Variants in POU6F2 observed in about 807,000 individuals in gnomAD.
The protein encoded by POU6F2 is POU domain, class 6, transcription factor 2.
POU6F2 carries 31 observed loss-of-function variants against 71.3 expected under a neutral mutation model. The ratio of observed to expected loss-of-function variants is 0.43; its 90% CI spans 0.33 to 0.59. The LOEUF is 0.59. Ranked by LOEUF, POU6F2 falls within the 20% of genes least tolerant of loss-of-function variation. The pLI is 0.04. For synonymous variants in POU6F2, 347 were observed against 355.7 expected, an observed-to-expected ratio of 0.98 and a Z score of 0.27; for missense variants, 783 against 856.8, an observed-to-expected ratio of 0.91 and a Z score of 1.07.
chr7:39,434,120 A>G (rs1027583568), intron 7 of POU6F2, among the ~76,000 whole-genome samples: 5 of 152,142 alleles, frequency 3.3e-5, no homozygotes, highest in African/African-American at 9.7e-5. Flanking sequence ...CATCCCAGAG[A>G]TAATGGCTTG....
At chr7:39,225,286 T>G (rs1794441276) in intron 4 of POU6F2, among the ~76,000 whole-genome samples, 1 of 152,142 alleles carries the variant, frequency 6.6e-6, no homozygotes, top group Non-Finnish European at 1.5e-5. Flanking sequence ...TGTAAAATAA[T>G]AAGCTTTTAA....
chr7:39,014,832 A>G (rs1286740016), intron 1 of POU6F2, among the ~76,000 whole-genome samples: 2 of 152,026 alleles, frequency 1.3e-5, no homozygotes, highest in Non-Finnish European at 2.9e-5. Context: ...ATACAAATAC[A>G]TCCTTGGTGT....
intron 4 of POU6F2, among the ~76,000 whole-genome samples, chr7:39,234,796 A>G (rs1004993151): frequency 6.6e-6 from 1 of 152,230 alleles, no homozygotes; most frequent in Non-Finnish European, 1.5e-5. Flanking sequence ...TCATGCATCA[A>G]TAGTACCATT....
chr7:39,186,301 G>A (rs1275805708), intron 2 of POU6F2, among the ~76,000 whole-genome samples: 3 of 152,200 alleles, frequency 2.0e-5, no homozygotes, highest in South Asian at 2.1e-4. Flanking sequence ...GGAATGGAGT[G>A]CAGGTAGATA....
chr7:39,065,677 G>A (rs1162093139), intron 1 of POU6F2, among the ~76,000 whole-genome samples: 1 of 151,402 alleles, frequency 6.6e-6, no homozygotes, highest in Non-Finnish European at 1.5e-5. Flanking sequence ...AATTCCATTC[G>A]GATATACTTG....
At chr7:39,309,332 T>C (rs1277331626) in intron 4 of POU6F2, among the ~76,000 whole-genome samples, 1 of 152,170 alleles carries the variant, frequency 6.6e-6, no homozygotes, top group African/African-American at 2.4e-5. Context: ...GAAAAACATT[T>C]GCTCTCTGTC....
chr7:39,129,786 G>C (rs968329371), intron 2 of POU6F2, among the ~76,000 whole-genome samples: 2 of 151,994 alleles, frequency 1.3e-5, no homozygotes, highest in South Asian at 4.2e-4. Flanking sequence ...TTTTTCGGCC[G>C]GGCGCTGTGG....
chr7:39,010,808 T>C (rs1789256985), intron 1 of POU6F2, among the ~76,000 whole-genome samples: 1 of 149,588 alleles, frequency 6.7e-6, no homozygotes, highest in Non-Finnish European at 1.5e-5. Flanking sequence ...GAGCAGGTTG[T>C]TCAGTTTCCA....
intron 5 of POU6F2, among the ~76,000 whole-genome samples, chr7:39,377,153 T>C (rs1786726370): frequency 6.6e-6 from 1 of 150,568 alleles, no homozygotes; most frequent in Non-Finnish European, 1.5e-5. Context: ...TTTTTTGAGA[T>C]GGAGTCTCAT....
intron 4 of POU6F2, 126 bp downstream of exon 4, chr7:39,207,746 T>C (rs1328014101): frequency 3.4e-6 from 3 of 878,454 alleles, no homozygotes; most frequent in East Asian, 2.7e-5. Context: ...CTAAATGATA[T>C]GGAAGGCTTC....
At chr7:39,159,065 C>T (rs1369266629) in intron 2 of POU6F2, among the ~76,000 whole-genome samples, 1 of 151,882 alleles carries the variant, frequency 6.6e-6, no homozygotes, top group Non-Finnish European at 1.5e-5. Context: ...GTAATCCCAG[C>T]TACTCAAGAG....
intron 1 of POU6F2, among the ~76,000 whole-genome samples, chr7:39,052,881 C>G (rs1584518463): frequency 6.6e-6 from 1 of 152,088 alleles, no homozygotes; most frequent in African/African-American, 2.4e-5. Context: ...ATTCTCCTAG[C>G]TCTTTCAAAT....
intron 4 of POU6F2, among the ~76,000 whole-genome samples, chr7:39,250,428 T>G (rs1415893741): frequency 6.6e-6 from 1 of 152,202 alleles, no homozygotes; most frequent in East Asian, 1.9e-4. Flanking sequence ...TGAGAAAGCC[T>G]TATCTAAAGA....
chr7:39,192,238 C>T (rs1793684264), intron 2 of POU6F2, among the ~76,000 whole-genome samples: 1 of 152,174 alleles, frequency 6.6e-6, no homozygotes, highest in African/African-American at 2.4e-5. Flanking sequence ...CTAAATGACC[C>T]TCCTTTCACC....
At chr7:39,454,714 ATATATATATAT>A (rs1449220260) in intron 8 of POU6F2, among the ~76,000 whole-genome samples, 5 of 77,732 alleles carry the variant, frequency 6.4e-5, no homozygotes, top group African/African-American at 1.0e-4. Context: ...ATATATATAT[ATATATATATAT>A]ATAAAATAAG....
chr7:39,048,062 A>G (rs1464816404), intron 1 of POU6F2, among the ~76,000 whole-genome samples: 1 of 151,972 alleles, frequency 6.6e-6, no homozygotes, highest in East Asian at 1.9e-4. Context: ...ATTTTCTGAA[A>G]GAGCAATTGA....
At chr7:39,346,544 A>G (rs1786036400) in intron 5 of POU6F2, among the ~76,000 whole-genome samples, 2 of 152,250 alleles carry the variant, frequency 1.3e-5, no homozygotes, top group Admixed American at 6.5e-5. Context: ...CTAGAGCCAC[A>G]TACACTGTCC....
At chr7:39,297,501 G>C (rs906708348) in intron 4 of POU6F2, among the ~76,000 whole-genome samples, 1 of 152,064 alleles carries the variant, frequency 6.6e-6, no homozygotes, top group African/African-American at 2.4e-5. Flanking sequence ...CAAAAAGTAG[G>C]GAAACCGGAA....
chr7:39,442,780 G>T (rs1448395215), intron 7 of POU6F2, among the ~76,000 whole-genome samples: 1 of 152,148 alleles, frequency 6.6e-6, no homozygotes, highest in East Asian at 1.9e-4. Context: ...AACCTTTTCT[G>T]TCAGCAAAGC....
Sources: gnomAD v4.1 joint callset for allele counts (sites outside exome capture counted in the v4.1 genomes callset) on GRCh38, gnomAD v4.1.1 for gene constraint, MANE v1.5 for transcripts, NCBI Gene and HGNC (gene_info 2026-07-23, HGNC 2026-07-21) for gene names.